The following RNF148 variants were observed in gnomAD, a reference collection of about 807,000 sequenced individuals.
The protein encoded by RNF148 is ring finger protein 148.
Under a neutral mutation model 21.1 loss-of-function variants are expected in RNF148, and 16 were observed. The ratio of observed to expected loss-of-function variants is 0.76; its 90% CI spans 0.51 to 1.15. RNF148 has a LOEUF of 1.15. RNF148 is among the 50% of genes most tolerant of loss of function. The pLI is 0.00. For synonymous variants in RNF148, 150 were observed against 136.4 expected (o/e 1.10, Z -0.69); for missense variants, 424 against 374.2 (o/e 1.13, Z -1.10).
Position 122,702,484 on chromosome 7 carries a change from C to G in RNF148, c.267G>C (p.Leu89Phe). 1 of 1,613,702 alleles carries G rather than the reference C, an allele frequency of 6.2e-7. No homozygotes were observed. Among genetic ancestry groups the G allele is most frequent in the Non-Finnish European group, 8.5e-7 (1 of 1,179,762 alleles). The change falls in exon 1 of 1, where the codon TTG becomes TTC. Residue 89 changes from leucine to phenylalanine, a missense_variant. Physicochemically the swap from Leu to Phe is conservative, Grantham distance 22. Transcript: ENST00000434824. ...CCTGTTTGGGCCTGCTGAAATTGGT[C>G]AAAGGATGACAGGCATTCTGATTCC... ...EGWNQNACHP[L>F]TNFSRPKQAD...
rs202200728 is a variant in RNF148, at chr7:122,702,077, C to T, written c.674G>A (p.Arg225Gln). The stretch of plus-strand genomic sequence containing the variant: ...CTTCACATCTGTCTTTATTTGACTT[C>T]GCCTCCTGGTGAAAGAATTGGGCAC... ...PRVPNSFTRR[R>Q]SQIKTDVKKA... Residue 225 changes from arginine to glutamine, a missense_variant, in exon 1 of 1, where the codon CGA becomes CAA. By Grantham distance (43) the Arg-to-Gln change is conservative. Coordinates refer to ENST00000434824, the MANE Select transcript of RNF148 (RefSeq NM_198085.2). 635 of 1,613,406 alleles carry T rather than the reference C, an allele frequency of 3.9e-4. 2 individuals carry two copies. The highest frequency in any genetic ancestry group is 8.2e-4 in the Middle Eastern group (5 of 6,082).
rs535440279 is a variant in RNF148, at chr7:122,701,719, T to C, written c.*114A>G. Reference sequence around the variant, plus strand: ...AAAACACAAATTTCACCCTTGTTCATACTTGGGTAGAGAAGCTGAAATTTT... The same window carrying C: ...AAAACACAAATTTCACCCTTGTTCACACTTGGGTAGAGAAGCTGAAATTTT... On this transcript the variant is annotated 3_prime_UTR_variant, in exon 1 of 1. Coordinates refer to ENST00000434824, the MANE Select transcript of RNF148 (RefSeq NM_198085.2). 3.1e-6 allele frequency: 2 copies of C among 643,484 alleles called. No individual in the cohort carries two copies. Among genetic ancestry groups the C allele is most frequent in the Admixed American group, 3.1e-5 (1 of 32,248 alleles). The allele number at this position is 643,484 out of a possible 1,614,324, so 39.9% of individuals were successfully genotyped here. A position where few individuals can be genotyped will look rare whatever the true frequency, so the allele number is the denominator to read the frequency against.
Position 122,701,724 on chromosome 7 carries a change from G to A in RNF148, c.*109C>T. 1.5e-6 allele frequency: 1 copy of A among 679,590 alleles called. No individual in the cohort carries two copies. Among genetic ancestry groups the A allele is most frequent in the Non-Finnish European group, 2.5e-6 (1 of 406,586 alleles). 42.1% of individuals were successfully genotyped at this position (679,590 alleles called of 1,614,324 possible). On this transcript the variant is annotated 3_prime_UTR_variant, in exon 1 of 1. Coordinates refer to ENST00000434824, the MANE Select transcript of RNF148 (RefSeq NM_198085.2). Reference sequence around the variant, plus strand: ...ACAAATTTCACCCTTGTTCATACTTGGGTAGAGAAGCTGAAATTTTCTCTC... The same window carrying A: ...ACAAATTTCACCCTTGTTCATACTTAGGTAGAGAAGCTGAAATTTTCTCTC...
rs754492403 is a variant in RNF148 at position 122,701,903 on chromosome 7, G to A, written c.848C>T (p.Ala283Val). The A allele has an allele frequency of 1.2e-6, 2 of 1,613,448 alleles. No individual in the cohort carries two copies. The highest frequency in any genetic ancestry group is 1.1e-5 in the South Asian group (1 of 91,078). ...ILTCKHFFHK[A>V]CIDPWLLAHR... Reference sequence around the variant, plus strand: ...GGCTAAAAGCCAGGGGTCAATGCATGCCTTATGGAAAAAATGTTTGCAAGT... The same window carrying A: ...GGCTAAAAGCCAGGGGTCAATGCATACCTTATGGAAAAAATGTTTGCAAGT... Residue 283 changes from alanine (A) to valine (V), a missense_variant, in exon 1 of 1, where the codon GCA becomes GTA. By Grantham distance (64) the Ala-to-Val change is moderately conservative. Coordinates refer to ENST00000434824, the MANE Select transcript of RNF148 (RefSeq NM_198085.2).
At position 122,702,598 on chromosome 7, in the gene RNF148, C is replaced by G. The variant is rs771162238; in HGVS notation, c.153G>C (p.Glu51Asp). 5.6e-6 allele frequency: 9 copies of G among 1,613,544 alleles called. No homozygotes were observed. The highest frequency in any genetic ancestry group is 1.3e-5 in the African/African-American group (1 of 74,894). ...HLNITFQVGN[E>D]ITSELGESGV... ...CACTCTCTCCTAATTCCGATGTGAT[C>G]TCATTTCCAACCTGAAATGTTATAT... The change falls in exon 1 of 1, where the codon GAG becomes GAC. Residue 51 changes from glutamate to aspartate, a missense_variant. Physicochemically the swap from Glu to Asp is conservative, Grantham distance 45. Transcript: ENST00000434824.
Position 122,701,845 on chromosome 7 carries a change from G to C in RNF148, c.906C>G (p.Ile302Met), listed in dbSNP as rs778520039. 3.8e-6 allele frequency: 6 copies of C among 1,583,788 alleles called. No homozygotes were observed. In the South Asian group the frequency reaches 5.8e-5, roughly 15 times the overall value. ...HRTCPMCKCD[I>M]LKT Reference sequence around the variant, plus strand: ...TTCTCCAGATTTCTTAAGTTTTCAGGATGTCACACTTGCACATGGGACATG... The same window carrying C: ...TTCTCCAGATTTCTTAAGTTTTCAGCATGTCACACTTGCACATGGGACATG... Residue 302 changes from isoleucine to methionine, a missense_variant, in exon 1 of 1, where the codon ATC becomes ATG. Transcript: ENST00000434824.
Position 122,701,911 on chromosome 7 carries a change from G to A in RNF148, c.840C>T (p.Phe280=), listed in dbSNP as rs1355454800. 1.2e-6 allele frequency: 2 copies of A among 1,613,430 alleles called. No individual in the cohort carries two copies. Among genetic ancestry groups the A allele is most frequent in the African/African-American group, 1.3e-5 (1 of 74,898 alleles). ...VVRILTCKHF[F]HKACIDPWLL... is the part of the protein sequence containing the mutation. ...GCCAGGGGTCAATGCATGCCTTATG[G>A]AAAAAATGTTTGCAAGTTAAAATGC... is the stretch of plus-strand genomic sequence containing the variant. Residue 280 remains phenylalanine (F), a synonymous_variant, in exon 1 of 1, where the codon TTC becomes TTT. Coordinates refer to ENST00000434824, the MANE Select transcript of RNF148 (RefSeq NM_198085.2).
Position 122,702,092 on chromosome 7 carries a change from G to C in RNF148, c.659C>G (p.Ser220Cys). The part of the protein sequence containing the change: ...VWRLTPRVPN[S>C]FTRRRSQIKT... ...TATTTGACTTCGCCTCCTGGTGAAA[G>C]AATTGGGCACTCTAGGTGTAAGTCT... The change falls in exon 1 of 1, where the codon TCT (serine) becomes TGT (cysteine). Residue 220 changes from serine to cysteine, a missense_variant. Physicochemically the swap from Ser to Cys is moderately radical, Grantham distance 112. Coordinates refer to ENST00000434824, the MANE Select transcript of RNF148 (RefSeq NM_198085.2). 2 of 1,613,562 alleles carry C rather than the reference G, an allele frequency of 1.2e-6. No homozygotes were observed. The highest frequency in any genetic ancestry group is 1.7e-6 in the Non-Finnish European group (2 of 1,179,710).
Position 122,702,476 on chromosome 7 carries a change from A to G in RNF148, c.275T>C (p.Phe92Ser). The change falls in exon 1 of 1, where the codon TTC becomes TCC. Residue 92 changes from phenylalanine (F) to serine (S), a missense_variant. Physicochemically the swap from Phe to Ser is radical, Grantham distance 155. Coordinates refer to ENST00000434824, the MANE Select transcript of RNF148 (RefSeq NM_198085.2). ...TGAGTCTGCCTGTTTGGGCCTGCTG[A>G]AATTGGTCAAAGGATGACAGGCATT... ...NQNACHPLTNFSRPKQADSWL... is the reference protein window; with the variant it reads ...NQNACHPLTNSSRPKQADSWL... The G allele has an allele frequency of 6.2e-7, 1 of 1,613,726 alleles. No individual in the cohort carries two copies.
Position 122,702,185 on chromosome 7 carries a change from T to G in RNF148, c.566A>C (p.His189Pro). ...VGRMHMQWVS[H>P]YIMYLFTFLA... ...GAAGGTAAATAGATACATGATGTAA[T>G]GGCTCACCCACTGCATGTGCATTCT... The change falls in exon 1 of 1, where the codon CAT becomes CCT. Residue 189 changes from histidine (H) to proline (P), a missense_variant. Transcript: ENST00000434824. 1 of 1,613,766 alleles carries G rather than the reference T, an allele frequency of 6.2e-7. No homozygotes were observed. The highest frequency in any genetic ancestry group is 1.3e-5 in the African/African-American group (1 of 75,038).
At position 122,701,931 on chromosome 7, in the gene RNF148, A is replaced by C. The variant is rs138284424; in HGVS notation, c.820T>G (p.Leu274Val). The C allele has an allele frequency of 1.9e-4, 300 of 1,613,580 alleles. No individual in the cohort carries two copies. Among genetic ancestry groups the C allele is most frequent in the Non-Finnish European group, 2.3e-4 (269 of 1,179,680 alleles). Residue 274 changes from leucine to valine, a missense_variant, in exon 1 of 1, where the codon TTA (leucine) becomes GTA (valine). Leu to Val is a conservative substitution (Grantham distance 32, BLOSUM62 1). Coordinates refer to ENST00000434824, the MANE Select transcript of RNF148 (RefSeq NM_198085.2). ...TTATGGAAAAAATGTTTGCAAGTTAAAATGCGTACTACATCTTGGGGTTTG... is the reference window on the plus strand; with the variant it reads ...TTATGGAAAAAATGTTTGCAAGTTACAATGCGTACTACATCTTGGGGTTTG... ...TYKPQDVVRI[L>V]TCKHFFHKAC...
chr7:122,702,790 A>G lies in RNF148; in HGVS notation c.-40T>C. 7.1e-7 allele frequency: 1 copy of G among 1,413,022 alleles called. No individual in the cohort carries two copies. Among genetic ancestry groups the G allele is most frequent in the South Asian group, 1.4e-5 (1 of 73,296 alleles). The allele number at this position is 1,413,022 out of a possible 1,614,324, so 87.5% of individuals were successfully genotyped here. A position where few individuals can be genotyped will look rare whatever the true frequency, so the allele number is the denominator to read the frequency against. On this transcript the variant is annotated 5_prime_UTR_variant, in exon 1 of 1. Coordinates refer to ENST00000434824, the MANE Select transcript of RNF148 (RefSeq NM_198085.2). Reference sequence around the variant, plus strand: ...ATTAAGAGACAAACATGAGAAAACAAAACAACATCAGTTGTAGAAGAACAT... The same window carrying G: ...ATTAAGAGACAAACATGAGAAAACAGAACAACATCAGTTGTAGAAGAACAT...
rs2086166710 is a variant in RNF148, at chr7:122,701,906, T to C, written c.845A>G (p.Lys282Arg). The C allele has an allele frequency of 6.2e-7, 1 of 1,613,626 alleles. No homozygotes were observed. Among genetic ancestry groups the C allele is most frequent in the Non-Finnish European group, 8.5e-7 (1 of 1,179,634 alleles). Residue 282 changes from lysine (K) to arginine (R), a missense_variant, in exon 1 of 1, where the codon AAG becomes AGG. Coordinates refer to ENST00000434824, the MANE Select transcript of RNF148 (RefSeq NM_198085.2). ...RILTCKHFFH[K>R]ACIDPWLLAH... ...TAAAAGCCAGGGGTCAATGCATGCCTTATGGAAAAAATGTTTGCAAGTTAA... is the reference window on the plus strand; with the variant it reads ...TAAAAGCCAGGGGTCAATGCATGCCCTATGGAAAAAATGTTTGCAAGTTAA...
At position 122,702,197 on chromosome 7, in the gene RNF148, T is replaced by G; in HGVS notation, c.554A>C (p.Gln185Pro). ...VIIEVGRMHM[Q>P]WVSHYIMYLF... ...ATACATGATGTAATGGCTCACCCAC[T>G]GCATGTGCATTCTCCCCACTTCAAT... The change falls in exon 1 of 1, where the codon CAG becomes CCG. Residue 185 changes from glutamine to proline, a missense_variant. Coordinates refer to ENST00000434824, the MANE Select transcript of RNF148 (RefSeq NM_198085.2). 1 of 1,613,826 alleles carries G rather than the reference T, an allele frequency of 6.2e-7. No homozygotes were observed. Among genetic ancestry groups the G allele is most frequent in the Non-Finnish European group, 8.5e-7 (1 of 1,179,756 alleles).
Position 122,702,696 on chromosome 7 carries a change from A to G in RNF148, c.55T>C (p.Leu19=), listed in dbSNP as rs745926349. 13 of 1,612,710 alleles carry G rather than the reference A, an allele frequency of 8.1e-6. No homozygotes were observed. The African/African-American group carries it at 9.3e-5, about 12-fold the overall frequency. Residue 19 remains leucine (L), a synonymous_variant, in exon 1 of 1, where the codon TTG becomes CTG. Coordinates refer to ENST00000434824, the MANE Select transcript of RNF148 (RefSeq NM_198085.2). ...STHSSVSSGL[L]RLSIFLLLSF... ...AGTAGTAGAAAGATACTAAGCCTCA[A>G]AAGTCCAGATGAAACAGAACTATGC...
rs752134406 is a variant in RNF148, at chr7:122,702,634, T to G, written c.117A>C (p.Thr39=). 6.2e-7 allele frequency: 1 copy of G among 1,613,612 alleles called. No homozygotes were observed. Among genetic ancestry groups the G allele is most frequent in the Non-Finnish European group, 8.5e-7 (1 of 1,179,690 alleles). The change falls in exon 1 of 1, where the codon ACA becomes ACC. Residue 39 remains threonine, a synonymous_variant. Transcript: ENST00000434824. Reference sequence around the variant, plus strand: ...CCTGAAATGTTATATTCAGGTGAGCTGTCCAAATGGCTTTTCCGTTTGAGT... The same window carrying G: ...CCTGAAATGTTATATTCAGGTGAGCGGTCCAAATGGCTTTTCCGTTTGAGT... ...FPDSNGKAIW[T]AHLNITFQVG...
chr7:122,702,689 A>G lies in RNF148; in HGVS notation c.62T>C (p.Leu21Pro). Reference protein sequence around the residue: ...HSSVSSGLLRLSIFLLLSFPD... With the variant: ...HSSVSSGLLRPSIFLLLSFPD... ...AAAGCTAAGTAGTAGAAAGATACTA[A>G]GCCTCAAAAGTCCAGATGAAACAGA... Residue 21 changes from leucine (L) to proline (P), a missense_variant, in exon 1 of 1, where the codon CTT becomes CCT. Leu to Pro is a moderately conservative substitution (Grantham distance 98, BLOSUM62 -3). Coordinates refer to ENST00000434824, the MANE Select transcript of RNF148 (RefSeq NM_198085.2). 2.5e-6 allele frequency: 4 copies of G among 1,612,950 alleles called. No homozygotes were observed. The highest frequency in any genetic ancestry group is 3.4e-6 in the Non-Finnish European group (4 of 1,179,364).
At position 122,702,271 on chromosome 7, in the gene RNF148, G is replaced by A. The variant is rs772828749; in HGVS notation, c.480C>T (p.Gly160=). ...IVAVMISNLK[G]MEILHSIQKG... Reference sequence around the variant, plus strand: ...TCTGAATCGAGTGCAAAATTTCCATGCCTTTCAGGTTGCTTATCATCACCG... The same window carrying A: ...TCTGAATCGAGTGCAAAATTTCCATACCTTTCAGGTTGCTTATCATCACCG... The change falls in exon 1 of 1, where the codon GGC becomes GGT. Residue 160 remains glycine (G), a synonymous_variant. Coordinates refer to ENST00000434824, the MANE Select transcript of RNF148 (RefSeq NM_198085.2). The A allele has an allele frequency of 6.2e-7, 1 of 1,613,748 alleles. No homozygotes were observed. Among genetic ancestry groups the A allele is most frequent in the South Asian group, 1.1e-5 (1 of 91,082 alleles).
Position 122,702,346 on chromosome 7 carries a change from C to T in RNF148, c.405G>A (p.Thr135=), listed in dbSNP as rs776153272. ...GAGACATGGGAAATACTTTACTGCCCGTACCTTGATAGTTGTAGATGATCA... is the reference window on the plus strand; with the variant it reads ...GAGACATGGGAAATACTTTACTGCCTGTACCTTGATAGTTGTAGATGATCA... ...NGVIIYNYQG[T]GSKVFPMSHQ... Residue 135 remains threonine (T), a synonymous_variant, in exon 1 of 1, where the codon ACG becomes ACA. Coordinates refer to ENST00000434824, the MANE Select transcript of RNF148 (RefSeq NM_198085.2). 22 of 1,613,628 alleles carry T rather than the reference C, an allele frequency of 1.4e-5. No homozygotes were observed. The Middle Eastern group carries it at 4.9e-4, about 36-fold the overall frequency.
Sources: allele counts gnomAD v4.1 joint callset, GRCh38; gene constraint gnomAD v4.1.1; transcripts MANE v1.5; gene names NCBI Gene and HGNC (gene_info 2026-07-23, HGNC 2026-07-21).